The following FDX1 variants were observed in gnomAD, a reference collection of about 807,000 sequenced individuals.
FDX1 encodes ferredoxin 1, also known as adrenodoxin, mitochondrial.
In FDX1, 9 loss-of-function variants were observed where a neutral mutation model predicts 14.9. That is an observed-to-expected ratio of 0.60 (90% CI 0.36 to 1.05). The LOEUF (loss-of-function observed/expected upper bound fraction) is 1.05. Ranked by LOEUF, FDX1 falls within the 50% of genes least tolerant of loss-of-function variation. The pLI is 0.01. For synonymous variants in FDX1, 92 were observed against 99.4 expected (o/e 0.93, Z 0.44); for missense variants, 204 against 237.2 (o/e 0.86, Z 0.92).
chr11:110,447,552 C>T (rs968155857), intron 2 of FDX1, among the ~76,000 whole-genome samples: 2 of 152,184 alleles, frequency 1.3e-5, no homozygotes, highest in African/African-American at 4.8e-5. Context: ...CCATCTGCCA[C>T]TCTTCCTCTT....
intron 3 of FDX1, among the ~76,000 whole-genome samples, chr11:110,458,777 T>A (rs770109580): frequency 6.6e-6 from 1 of 152,042 alleles, no homozygotes; most frequent in Non-Finnish European, 1.5e-5. Context: ...CCCGCTAATT[T>A]TTGTATTTTG....
chr11:110,444,632 ATGTGTG>A (rs369797336), intron 2 of FDX1, among the ~76,000 whole-genome samples: 13,448 of 84,438 alleles, frequency 0.16, 1,435 homozygotes, highest in Non-Finnish European at 0.19. Context: ...AAGAAAATAT[ATGTGTG>A]TGTGTGTGTG....
chr11:110,445,656 G>A (rs1222127184), intron 2 of FDX1, among the ~76,000 whole-genome samples: 1 of 152,184 alleles, frequency 6.6e-6, no homozygotes, highest in Non-Finnish European at 1.5e-5. Context: ...TGGAATGGAA[G>A]AATGTCCTGC....
intron 1 of FDX1, among the ~76,000 whole-genome samples, chr11:110,431,871 G>A (rs747355965): frequency 6.6e-6 from 1 of 152,134 alleles, no homozygotes; most frequent in African/African-American, 2.4e-5. Context: ...AGACTTTGGA[G>A]CTACAACTGG....
chr11:110,462,638 A>G lies in FDX1; in HGVS notation c.*170A>G, dbSNP rs145639644. On this transcript the variant is annotated 3_prime_UTR_variant, in exon 4 of 4. Transcript: ENST00000260270. ...ATTTTGTCATTCTTGAAAGTATGCA[A>G]TTTTTATTTTGGTTATATTACAAAA... 139 of 391,180 alleles carry G rather than the reference A, an allele frequency of 3.6e-4. No homozygotes were observed. The highest frequency in any genetic ancestry group is 2.5e-3 in the African/African-American group (125 of 49,162). 24.2% of individuals were successfully genotyped at this position (391,180 alleles called of 1,614,324 possible). A position where few individuals can be genotyped will look rare whatever the true frequency, so the allele number is the denominator to read the frequency against.
At chr11:110,438,687 G>A (rs1004557625) in intron 2 of FDX1, among the ~76,000 whole-genome samples, 3 of 152,132 alleles carry the variant, frequency 2.0e-5, no homozygotes, top group Admixed American at 6.5e-5. Context: ...GGCTGGTCTT[G>A]AATTCCTGAC....
rs774215724 is a variant in FDX1 at position 110,463,920 on chromosome 11, G to T, written c.*1452G>T. 15 of 145,448 alleles carry T rather than the reference G, an allele frequency of 1.0e-4. No homozygotes were observed. Among genetic ancestry groups the T allele is most frequent in the East Asian group, 8.0e-4 (4 of 4,998 alleles). 9.0% of individuals were successfully genotyped at this position (145,448 alleles called of 1,614,324 possible). ...GTAGTTTTTTTTTTTTTTTTTTGGT[G>T]GGGGGAGCGGGGGACAGGGTCTTAC... is the stretch of plus-strand genomic sequence containing the variant. On this transcript the variant is annotated 3_prime_UTR_variant, in exon 4 of 4. Coordinates refer to ENST00000260270, the MANE Select transcript of FDX1 (RefSeq NM_004109.5).
intron 2 of FDX1, 55 bp from the exon 3 acceptor site, chr11:110,456,863 G>A (rs1191869623): frequency 1.3e-6 from 2 of 1,545,740 alleles, no homozygotes; most frequent in Non-Finnish European, 1.8e-6. Context: ...ACTGAACCAG[G>A]TATGAATCGT....
At chr11:110,443,900 A>AT (rs897597479) in intron 2 of FDX1, among the ~76,000 whole-genome samples, 44 of 149,960 alleles carry the variant, frequency 2.9e-4, no homozygotes, top group African/African-American at 1.0e-3. Context: ...TCCTTTGCCT[A>AT]TTTTTTTAAT....
intron 2 of FDX1, 135 bp downstream of exon 2, chr11:110,436,093 G>C: frequency 1.4e-6 from 1 of 721,230 alleles, no homozygotes; most frequent in South Asian, 1.7e-5. Context: ...ATGTGTTAGT[G>C]TTATATTCTT....
intron 2 of FDX1, among the ~76,000 whole-genome samples, chr11:110,444,368 C>T (rs1261111308): frequency 6.6e-6 from 1 of 151,844 alleles, no homozygotes; most frequent in African/African-American, 2.4e-5. Flanking sequence ...GTAATCCTGG[C>T]ACTTTGGGAG....
At chr11:110,451,508 C>T (rs1294607916) in intron 2 of FDX1, among the ~76,000 whole-genome samples, 3 of 152,120 alleles carry the variant, frequency 2.0e-5, no homozygotes, top group East Asian at 1.9e-4. Flanking sequence ...TTAGTTCAAC[C>T]ATTGTGGAAG....
At chr11:110,434,303 A>G (rs1447820022) in intron 1 of FDX1, among the ~76,000 whole-genome samples, 2 of 151,148 alleles carry the variant, frequency 1.3e-5, no homozygotes, top group African/African-American at 4.9e-5. Flanking sequence ...GTAGTATTCT[A>G]TGTAGCACTG....
At chr11:110,433,782 G>T (rs1946347743) in intron 1 of FDX1, among the ~76,000 whole-genome samples, 1 of 151,818 alleles carries the variant, frequency 6.6e-6, no homozygotes, top group Non-Finnish European at 1.5e-5. Context: ...ATAGAATCCT[G>T]TTTTTTTTCC....
chr11:110,430,455 T>G, intron 1 of FDX1, 150 bp downstream of exon 1: 2 of 436,926 alleles, frequency 4.6e-6, no homozygotes, highest in Non-Finnish European at 3.5e-6. Context: ...TCTTCTGGGG[T>G]GCTCTCGCGG....
chr11:110,442,348 G>A (rs757546151), intron 2 of FDX1, among the ~76,000 whole-genome samples: 1 of 152,196 alleles, frequency 6.6e-6, no homozygotes, highest in Non-Finnish European at 1.5e-5. Context: ...GCCTGGAAAA[G>A]CCACAGACAC....
chr11:110,440,692 A>G (rs1349446042), intron 2 of FDX1, among the ~76,000 whole-genome samples: 2 of 152,232 alleles, frequency 1.3e-5, no homozygotes, highest in South Asian at 2.1e-4. Context: ...TCCCAAATCA[A>G]TAACATTGGA....
chr11:110,445,232 TA>T (rs1946442726), intron 2 of FDX1, among the ~76,000 whole-genome samples: 1 of 152,246 alleles, frequency 6.6e-6, no homozygotes, highest in Non-Finnish European at 1.5e-5. Flanking sequence ...TGAAGTTACA[TA>T]TTCTCAAAAT....
intron 2 of FDX1, among the ~76,000 whole-genome samples, chr11:110,440,391 G>C (rs748731512): frequency 6.6e-6 from 1 of 151,994 alleles, no homozygotes; most frequent in African/African-American, 2.4e-5. Flanking sequence ...CAATATAGGC[G>C]GTCAGTGCTC....
Sources: gnomAD v4.1 joint callset for allele counts (sites outside exome capture counted in the v4.1 genomes callset) on GRCh38, gnomAD v4.1.1 for gene constraint, MANE v1.5 for transcripts, NCBI Gene and HGNC (gene_info 2026-07-23, HGNC 2026-07-21) for gene names.